Variants in SNW1 observed in about 807,000 individuals in gnomAD.
SNW1 encodes SNW domain-containing protein 1.
Under a neutral mutation model 75.6 loss-of-function variants are expected in SNW1, and 9 were observed. The ratio of observed to expected loss-of-function variants is 0.12; its 90% CI spans 0.07 to 0.21. The LOEUF is 0.21. SNW1 is among the 10% of genes least tolerant of loss of function. The probability of loss-of-function intolerance (pLI) is 1.00; values close to 1 mark genes in which losing one functional copy is unlikely to be tolerated. For missense variants in SNW1, 409 were observed against 670.9 expected (o/e 0.61, Z 4.31); for synonymous variants, 200 against 219.1 (o/e 0.91, Z 0.77).
At chr14:77,755,509 C>T (rs981125746) in intron 1 of SNW1, among the ~76,000 whole-genome samples, 1 of 152,108 alleles carries the variant, frequency 6.6e-6, no homozygotes, top group African/African-American at 2.4e-5. Flanking sequence ...ACCTCTGCCT[C>T]CTGGGTTCAA....
rs55707854 is a variant in SNW1, at chr14:77,758,315, CAAAA to C, written c.14+2795_14+2798del. The stretch of plus-strand genomic sequence containing the variant: ...CCTGGGTGAGAGTGAGACTCTGCCA[CAAAA>C]AAAAAAAAAAAAAAAAAGAACAAAT... On this transcript the variant is annotated intron_variant, in intron 1 of 13. Transcript: ENST00000261531. 5.1e-4 allele frequency among the ~76,000 whole-genome samples: 44 copies of C among 85,818 alleles called. No individual in the cohort carries two copies. The South Asian group carries it at 7.1e-3, about 14-fold the overall frequency. The allele number at this position is 85,818 out of a possible 152,430, so 56.3% of individuals were successfully genotyped here. A position where few individuals can be genotyped will look rare whatever the true frequency, so the allele number is the denominator to read the frequency against.
At chr14:77,746,811 C>T (rs1310370052) in intron 3 of SNW1, among the ~76,000 whole-genome samples, 1 of 151,430 alleles carries the variant, frequency 6.6e-6, no homozygotes, top group Non-Finnish European at 1.5e-5. Context: ...ATGTAAACAA[C>T]AGTTTCTAAG....
chr14:77,760,251 G>GA lies in SNW1; in HGVS notation c.14+862dup, dbSNP rs202144211. On this transcript the variant is annotated intron_variant, in intron 1 of 13. Coordinates refer to ENST00000261531, the MANE Select transcript of SNW1 (RefSeq NM_012245.3). The stretch of plus-strand genomic sequence containing the variant: ...TTTGGAGTCATACTGTCATCAGCCA[G>GA]AAAAAAAAACATGCGTGAGGAGAAT... Among the ~76,000 whole-genome samples the GA allele has an allele frequency of 4.0e-4, 61 of 150,778 alleles. No individual in the cohort carries two copies. In the East Asian group the frequency reaches 8.4e-3, roughly 21 times the overall value.
chr14:77,730,988 C>T lies in SNW1; in HGVS notation c.1033G>A (p.Glu345Lys). The change falls in exon 10 of 14, where the codon GAG (glutamate) becomes AAG (lysine). Residue 345 changes from glutamate (E) to lysine (K), a missense_variant and splice_region_variant. Glu to Lys is a moderately conservative substitution (Grantham distance 56). Transcript: ENST00000261531. The stretch of plus-strand genomic sequence containing the variant: ...CAATTCAGTAATGAGAATGTCATAC[C>T]TTTTTCCACATGAGTTTTGATCCCA... ...RAGIKTHVEK[E>K]DGEARERDEI... The T allele has an allele frequency of 6.2e-7, 1 of 1,611,698 alleles. No individual in the cohort carries two copies. The highest frequency in any genetic ancestry group is 8.5e-7 in the Non-Finnish European group (1 of 1,179,186).
chr14:77,735,353 T>C (rs1363183890), intron 7 of SNW1, among the ~76,000 whole-genome samples: 1 of 152,216 alleles, frequency 6.6e-6, no homozygotes, highest in Non-Finnish European at 1.5e-5. Flanking sequence ...TGGTGCAATC[T>C]TGGCTCACCA....
chr14:77,752,072 C>T (rs888406878), intron 2 of SNW1, among the ~76,000 whole-genome samples: 7 of 151,908 alleles, frequency 4.6e-5, no homozygotes, highest in Middle Eastern at 3.4e-3. Flanking sequence ...ATATGCAGGA[C>T]GAAACTAAGT....
chr14:77,731,656 A>C (rs986676961), intron 9 of SNW1, among the ~76,000 whole-genome samples: 1 of 152,270 alleles, frequency 6.6e-6, no homozygotes, highest in Non-Finnish European at 1.5e-5. Flanking sequence ...ACTGTGATAC[A>C]AAAGACATTT....
In SNW1 at chr14:77,737,086, C is replaced by A; in HGVS notation, c.534-11G>T. 1 of 1,590,588 alleles carries A rather than the reference C, an allele frequency of 6.3e-7. No homozygotes were observed. Among genetic ancestry groups the A allele is most frequent in the Non-Finnish European group, 8.6e-7 (1 of 1,159,308 alleles). ...TGAGATGGTGTGTATCTGAAGAAAG[C>A]AGATAAAAACTAAAGGTGTAATTAG... is the stretch of plus-strand genomic sequence containing the variant. On this transcript the variant is annotated splice_polypyrimidine_tract_variant and intron_variant, in intron 5 of 13. Transcript: ENST00000261531.
chr14:77,751,598 A>C, intron 2 of SNW1, 118 bp from the exon 3 acceptor site: 1 of 710,522 alleles, frequency 1.4e-6, no homozygotes, highest in Non-Finnish European at 2.2e-6. Flanking sequence ...GAGATACAGC[A>C]GAGTTCCCTG....
rs928618648 is a variant in SNW1, at chr14:77,723,361, T to G, written c.1034-84A>C. On this transcript the variant is annotated intron_variant, in intron 10 of 13. Coordinates refer to ENST00000261531, the MANE Select transcript of SNW1 (RefSeq NM_012245.3). ...TACACGTGTGTATATATATAATTTT[T>G]TAAAAAGAGACAGCATCTCACTCTG... The G allele has an allele frequency of 2.4e-5, 25 of 1,054,454 alleles. No individual in the cohort carries two copies. In the African/African-American group the frequency reaches 3.8e-4, roughly 16 times the overall value. The allele number at this position is 1,054,454 out of a possible 1,614,324, so 65.3% of individuals were successfully genotyped here.
chr14:77,731,175 ATATT>A (rs763981477), intron 9 of SNW1, 46 bp from the exon 10 acceptor site: 4 of 1,593,216 alleles, frequency 2.5e-6, no homozygotes, highest in South Asian at 1.1e-5. Flanking sequence ...CATGGGATAA[ATATT>A]TATGGCTATC....
intron 11 of SNW1, chr14:77,722,340 ATT>A: frequency 3.2e-6 from 1 of 312,128 alleles, no homozygotes; most frequent in South Asian, 2.8e-5. Context: ...TTCTCAAATT[ATT>A]TTATGGATAG....
intron 10 of SNW1, among the ~76,000 whole-genome samples, chr14:77,723,917 GAAT>G (rs1234450173): frequency 9.2e-5 from 14 of 152,162 alleles, no homozygotes; most frequent in African/African-American, 3.1e-4. Flanking sequence ...CTGAACAAGA[GAAT>G]ATTTTTTAAC....
intron 2 of SNW1, 83 bp downstream of exon 2, chr14:77,754,884 T>G (rs1566837240): frequency 1.6e-6 from 2 of 1,228,466 alleles, no homozygotes; most frequent in Non-Finnish European, 2.2e-6. Context: ...AATCAGAGGT[T>G]CTAACATTTA....
At chr14:77,735,761 T>TA (rs2080666038) in intron 7 of SNW1, among the ~76,000 whole-genome samples, 176 bp downstream of exon 7, 1 of 152,150 alleles carries the variant, frequency 6.6e-6, no homozygotes, top group African/African-American at 2.4e-5. Context: ...TAACAAAACT[T>TA]ACAGCTAACA....
Position 77,761,153 on chromosome 14 carries a change from C to CGACA in SNW1, c.-27_-26insTGTC. The stretch of plus-strand genomic sequence containing the variant: ...CTTCTTCCGCTTCTTCCAGCGCGAG[C>CGACA]GACAGCACCGCTGGGCGGGTCTTTC... On this transcript the variant is annotated 5_prime_UTR_variant, in exon 1 of 14. Transcript: ENST00000261531. 6.2e-7 allele frequency: 1 copy of CGACA among 1,614,216 alleles called. No homozygotes were observed. Among genetic ancestry groups the CGACA allele is most frequent in the Non-Finnish European group, 8.5e-7 (1 of 1,180,022 alleles).
At chr14:77,759,297 TAAGCCCAGTTC>T (rs2080866957) in intron 1 of SNW1, among the ~76,000 whole-genome samples, 1 of 151,924 alleles carries the variant, frequency 6.6e-6, no homozygotes, top group Non-Finnish European at 1.5e-5. Context: ...TCAGATCAGT[TAAGCCCAGTTC>T]AAGACCAGGC....
chr14:77,761,093 G>A lies in SNW1; in HGVS notation c.14+21C>T, dbSNP rs756770341. 1.9e-6 allele frequency: 3 copies of A among 1,614,264 alleles called. No homozygotes were observed. In the Admixed American group the frequency reaches 5.0e-5, roughly 27 times the overall value. On this transcript the variant is annotated intron_variant, in intron 1 of 13. Coordinates refer to ENST00000261531, the MANE Select transcript of SNW1 (RefSeq NM_012245.3). The stretch of plus-strand genomic sequence containing the variant: ...GTACTCCCAGACCCTTCCGTATCGA[G>A]GACCCCAATCAACAACCCACCTGGT...
intron 10 of SNW1, among the ~76,000 whole-genome samples, chr14:77,728,926 T>A (rs915066799): frequency 2.6e-5 from 4 of 152,238 alleles, no homozygotes; most frequent in Non-Finnish European, 5.9e-5. Flanking sequence ...AATTTTTAAT[T>A]TCTTGAGAAC....
Sources: allele counts gnomAD v4.1 joint callset (sites outside exome capture counted in the v4.1 genomes callset), GRCh38; gene constraint gnomAD v4.1.1; transcripts MANE v1.5; gene names NCBI Gene and HGNC (gene_info 2026-07-23, HGNC 2026-07-21).